The following ANKRD18A variants were observed in gnomAD, a reference collection of about 807,000 sequenced individuals.
ANKRD18A encodes ankyrin repeat domain 18A.
In ANKRD18A, 72 loss-of-function variants were observed where a neutral mutation model predicts 110.6. That is an observed-to-expected ratio of 0.65 (90% CI 0.54 to 0.79). The LOEUF (loss-of-function observed/expected upper bound fraction) is 0.79. ANKRD18A is among the 30% of genes least tolerant of loss of function. The pLI is 0.00. For synonymous variants in ANKRD18A, 305 were observed against 410.3 expected, an observed-to-expected ratio of 0.74 and a Z score of 3.10; for missense variants, 934 against 1,163.3, an observed-to-expected ratio of 0.80 and a Z score of 2.87.
intron 8 of ANKRD18A, among the ~76,000 whole-genome samples, chr9:38,600,855 T>C (rs1322268080): frequency 6.6e-6 from 1 of 152,194 alleles, no homozygotes; most frequent in East Asian, 1.9e-4. Flanking sequence ...ACCTTCTTTA[T>C]CAGGAAGAAG....
At chr9:38,575,972 A>G (rs1823876803) in intron 14 of ANKRD18A, among the ~76,000 whole-genome samples, 2 of 152,248 alleles carry the variant, frequency 1.3e-5, no homozygotes, top group African/African-American at 4.8e-5. Flanking sequence ...GTACGGCTCA[A>G]CAGGTAACCT....
rs2118636591 is a variant in ANKRD18A, at chr9:38,575,501, T to C, written c.2939A>G (p.Asn980Ser). The change falls in exon 15 of 16, where the codon AAT becomes AGT. Residue 980 changes from asparagine (N) to serine (S), a missense_variant. Physicochemically the swap from Asn to Ser is conservative, Grantham distance 46 (BLOSUM62 1). Around this residue, in one of 4 missense-constraint regions of ANKRD18A, gnomAD observed 223 missense variants for 226.7 expected, o/e 0.98. Transcript: ENST00000399703. ...CTCAGTCAAGAAGTTCTTGCAGTTA[T>C]TTGAAGTCTGTGGGTTTGAAGTAGG... Reference protein sequence around the residue: ...RIPTSNPQTSNNCKNFLTEVL... With the variant: ...RIPTSNPQTSSNCKNFLTEVL... The C allele has an allele frequency of 6.4e-7, 1 of 1,551,552 alleles. No individual in the cohort carries two copies. Among genetic ancestry groups the C allele is most frequent in the Non-Finnish European group, 8.7e-7 (1 of 1,146,814 alleles).
At chr9:38,611,961 A>G (rs1825639179) in intron 3 of ANKRD18A, among the ~76,000 whole-genome samples, 1 of 152,174 alleles carries the variant, frequency 6.6e-6, no homozygotes, top group African/African-American at 2.4e-5. Flanking sequence ...AGTTTCAGGG[A>G]TACAGTTGCC....
At chr9:38,570,545 G>A (rs116235129), downstream of ANKRD18A, among the ~76,000 whole-genome samples, 827 of 152,312 alleles carry the variant, frequency 5.4e-3, 3 homozygotes, top group African/African-American at 0.019. Flanking sequence ...CACTGGGTGA[G>A]GCCTTCACTG....
chr9:38,572,156 A>C (rs1308781217), intron 15 of ANKRD18A, 97 bp from the exon 16 acceptor site: 1 of 893,328 alleles, frequency 1.1e-6, no homozygotes, highest in Admixed American at 3.2e-5. Flanking sequence ...TATCAGAGTT[A>C]ATAAGAATGA....
chr9:38,581,068 C>G (rs1824140945), intron 12 of ANKRD18A, among the ~76,000 whole-genome samples: 1 of 152,200 alleles, frequency 6.6e-6, no homozygotes, highest in Non-Finnish European at 1.5e-5. Context: ...GACAAGCTGT[C>G]CTGGCCAATC....
chr9:38,612,524 T>TTTTTTTTC (rs563329292), intron 3 of ANKRD18A, among the ~76,000 whole-genome samples: 9,727 of 147,742 alleles, frequency 0.066, 1,185 homozygotes, highest in African/African-American at 0.23. Flanking sequence ...TCTTTTTCTT[T>TTTTTTTTC]TTTTTTTTTT....
chr9:38,578,587 A>T (rs1386826673), intron 12 of ANKRD18A, among the ~76,000 whole-genome samples: 1 of 152,190 alleles, frequency 6.6e-6, no homozygotes, highest in African/African-American at 2.4e-5. Context: ...AAATAATATA[A>T]TACTCTACGC....
In ANKRD18A at chr9:38,595,858, T is replaced by A; in HGVS notation, c.1482A>T (p.Arg494Ser). Residue 494 changes from arginine to serine, a missense_variant, in exon 9 of 16, where the codon AGA (arginine) becomes AGT (serine). This residue lies in a region of ANKRD18A where 630 missense variants were observed against 797.5 expected (regional missense o/e 0.79). Coordinates refer to ENST00000399703, the MANE Select transcript of ANKRD18A (RefSeq NM_147195.4). The part of the protein sequence containing the change: ...NTLKGKLRET[R>S]DALREKTLAL... ...CCAATGTCTTTTCCCTGAGAGCATC[T>A]CTTGTCTCACGGAGCTTACCTTTTA... 3.9e-6 allele frequency: 6 copies of A among 1,551,368 alleles called. No homozygotes were observed. Among genetic ancestry groups the A allele is most frequent in the Non-Finnish European group, 5.2e-6 (6 of 1,146,706 alleles).
intron 12 of ANKRD18A, among the ~76,000 whole-genome samples, chr9:38,585,601 T>C (rs1415198050): frequency 6.6e-6 from 1 of 152,214 alleles, no homozygotes; most frequent in Non-Finnish European, 1.5e-5. Flanking sequence ...GAATTTGGGT[T>C]TATCCATTAT....
At chr9:38,572,543 A>C (rs544430304) in intron 15 of ANKRD18A, 2 of 153,992 alleles carry the variant, frequency 1.3e-5, no homozygotes, top group East Asian at 3.8e-4. Flanking sequence ...AAATCTTGCC[A>C]GATAGAGGGA....
chr9:38,614,942 G>T (rs1254434264), intron 3 of ANKRD18A, among the ~76,000 whole-genome samples: 1 of 152,074 alleles, frequency 6.6e-6, no homozygotes, highest in Non-Finnish European at 1.5e-5. Flanking sequence ...CTGCCAATCT[G>T]GTTTCCTCAG....
chr9:38,615,988 A>G lies in ANKRD18A; in HGVS notation c.263T>C (p.Leu88Pro). 1.3e-6 allele frequency: 2 copies of G among 1,593,984 alleles called. No individual in the cohort carries two copies. The highest frequency in any genetic ancestry group is 1.7e-6 in the Non-Finnish European group (2 of 1,169,364). The change falls in exon 2 of 16, where the codon CTG (leucine) becomes CCG (proline). Residue 88 changes from leucine to proline, a missense_variant. Around this residue, in one of 4 missense-constraint regions of ANKRD18A, gnomAD observed 630 missense variants for 797.5 expected, o/e 0.79. Transcript: ENST00000399703. ...GATGTCGATCTGGCATCTTCTGTGCAGCAAGAGAGTGACCACTTGCACACG... is the reference window on the plus strand; with the variant it reads ...GATGTCGATCTGGCATCTTCTGTGCGGCAAGAGAGTGACCACTTGCACACG... ...HGRVQVVTLL[L>P]HRRCQIDICD... is the part of the protein sequence containing the mutation.
At chr9:38,595,030 C>T (rs886253080) in intron 9 of ANKRD18A, among the ~76,000 whole-genome samples, 1 of 152,150 alleles carries the variant, frequency 6.6e-6, no homozygotes, top group Non-Finnish European at 1.5e-5. Context: ...CCTTTTATCT[C>T]CTGGAAACAA....
chr9:38,615,917 G>C lies in ANKRD18A; in HGVS notation c.321+13C>G. On this transcript the variant is annotated intron_variant, in intron 2 of 15. Coordinates refer to ENST00000399703, the MANE Select transcript of ANKRD18A (RefSeq NM_147195.4). ...AAATCCATTTCATGCTGAAAGAGTT[G>C]GCTACTATATACCTTCATTAAAGGT... is the stretch of plus-strand genomic sequence containing the variant. The C allele has an allele frequency of 6.5e-7, 1 of 1,543,644 alleles. No homozygotes were observed. Among genetic ancestry groups the C allele is most frequent in the African/African-American group, 1.4e-5 (1 of 72,616 alleles).
At chr9:38,584,043 G>T (rs533297089) in intron 12 of ANKRD18A, among the ~76,000 whole-genome samples, 1 of 152,334 alleles carries the variant, frequency 6.6e-6, no homozygotes, top group South Asian at 2.1e-4. Context: ...TGCAGAGGAG[G>T]AGCCTGGCCT....
At chr9:38,567,784 C>T (rs1823517273), downstream of ANKRD18A, 1 of 152,250 alleles carries the variant, frequency 6.6e-6, no homozygotes, top group African/African-American at 2.4e-5. Context: ...AGCTCCAAGA[C>T]CTGGCTGAGG....
intron 12 of ANKRD18A, among the ~76,000 whole-genome samples, chr9:38,583,680 A>C (rs1385773190): frequency 6.6e-6 from 1 of 152,104 alleles, no homozygotes; most frequent in East Asian, 1.9e-4. Context: ...GAGCCAACAC[A>C]CCTGGCCTAC....
At chr9:38,608,633 T>C (rs1825463619) in intron 5 of ANKRD18A, among the ~76,000 whole-genome samples, 1 of 145,978 alleles carries the variant, frequency 6.9e-6, no homozygotes, top group Non-Finnish European at 1.5e-5. Flanking sequence ...AATATAAATA[T>C]AAAAATATAA....
Sources: allele counts gnomAD v4.1 joint callset (sites outside exome capture counted in the v4.1 genomes callset), GRCh38; gene constraint gnomAD v4.1.1; regional missense constraint gnomAD v4.1.1; transcripts MANE v1.5; gene names NCBI Gene and HGNC (gene_info 2026-07-23, HGNC 2026-07-21).